MMS22L: variants seen among roughly 807,000 people sequenced by gnomAD.
MMS22L encodes protein MMS22-like.
MMS22L carries 74 observed loss-of-function variants against 159.1 expected under a neutral mutation model. The observed-to-expected ratio is 0.47, with a 90% confidence interval of 0.39 to 0.56. The LOEUF (loss-of-function observed/expected upper bound fraction) is 0.56. Ranked by LOEUF, MMS22L falls within the 20% of genes least tolerant of loss-of-function variation. The pLI is 0.00. For synonymous variants in MMS22L, 517 were observed against 506.9 expected (o/e 1.02, Z -0.27); for missense variants, 1,351 against 1,422.1 (o/e 0.95, Z 0.80).
Position 97,282,363 on chromosome 6 carries a change from C to T in MMS22L, c.115G>A (p.Gly39Arg). Residue 39 changes from glycine to arginine, a missense_variant, in exon 2 of 25, where the codon GGA (glycine) becomes AGA (arginine). Physicochemically the swap from Gly to Arg is moderately radical, Grantham distance 125. Transcript: ENST00000683635. ...FSCAVDNRGGGKHFSGESYLC... is the reference protein window; with the variant it reads ...FSCAVDNRGGRKHFSGESYLC... Reference sequence around the variant, plus strand: ...TAGGATTCTCCAGAAAAATGTTTTCCTCCTCCTCTGTTGTCAACAGCACAA... The same window carrying T: ...TAGGATTCTCCAGAAAAATGTTTTCTTCCTCCTCTGTTGTCAACAGCACAA... The T allele has an allele frequency of 6.2e-7, 1 of 1,614,104 alleles. No homozygotes were observed. The highest frequency in any genetic ancestry group is 1.6e-4 in the Middle Eastern group (1 of 6,062).
At chr6:97,244,193 C>G (rs148311292) in intron 11 of MMS22L, among the ~76,000 whole-genome samples, 2,763 of 152,214 alleles carry the variant, frequency 0.018, 82 homozygotes, top group African/African-American at 0.063. Flanking sequence ...AGTTGGTTGG[C>G]CTCCAGCCAG....
chr6:97,157,836 A>C (rs1186367110), intron 22 of MMS22L, among the ~76,000 whole-genome samples: 1 of 152,118 alleles, frequency 6.6e-6, no homozygotes, highest in Non-Finnish European at 1.5e-5. Flanking sequence ...GGCTTCATAA[A>C]ATGAATTAGG....
intron 3 of MMS22L, among the ~76,000 whole-genome samples, chr6:97,280,927 C>A (rs1380346065): frequency 6.6e-6 from 1 of 152,096 alleles, no homozygotes; most frequent in African/African-American, 2.4e-5. Flanking sequence ...CTCTAAAGAT[C>A]ACTGAAAGAC....
Position 97,224,130 on chromosome 6 carries a change from T to C in MMS22L, c.2039+4764A>G, listed in dbSNP as rs74685352. On this transcript the variant is annotated intron_variant, in intron 14 of 24. Transcript: ENST00000683635. ...TGCACAGGCTAATCCTGAAGGCCAATAGCACAACCCCCTATCACCTACTCA... is the reference window on the plus strand; with the variant it reads ...TGCACAGGCTAATCCTGAAGGCCAACAGCACAACCCCCTATCACCTACTCA... Among the ~76,000 whole-genome samples, 1,112 of 152,284 alleles carry C rather than the reference T, an allele frequency of 7.3e-3. 15 individuals are homozygous for C. Among genetic ancestry groups the C allele is most frequent in the African/African-American group, 0.025 (1,034 of 41,576 alleles).
intron 23 of MMS22L, 148 bp from the exon 24 acceptor site, chr6:97,150,168 T>A: frequency 1.7e-6 from 1 of 578,372 alleles, no homozygotes; most frequent in Non-Finnish European, 2.9e-6. Flanking sequence ...GAAAACTATT[T>A]AAAACACTTT....
chr6:97,214,630 T>C (rs1808768297), intron 14 of MMS22L, among the ~76,000 whole-genome samples: 1 of 151,112 alleles, frequency 6.6e-6, no homozygotes, highest in Non-Finnish European at 1.5e-5. Flanking sequence ...ATTACAGCTG[T>C]AGGAGTAAAA....
chr6:97,175,038 T>C (rs1451412661), intron 18 of MMS22L, among the ~76,000 whole-genome samples: 2 of 152,168 alleles, frequency 1.3e-5, no homozygotes, highest in African/African-American at 4.8e-5. Flanking sequence ...CTGTTCCCTT[T>C]TGCACACTTA....
At chr6:97,218,500 C>T (rs1809269978) in intron 14 of MMS22L, among the ~76,000 whole-genome samples, 1 of 152,168 alleles carries the variant, frequency 6.6e-6, no homozygotes, top group African/African-American at 2.4e-5. Flanking sequence ...GTGCATACTA[C>T]ATATGCTTCA....
intron 21 of MMS22L, among the ~76,000 whole-genome samples, chr6:97,164,421 A>G (rs1025661501): frequency 1.8e-4 from 27 of 151,920 alleles, no homozygotes; most frequent in African/African-American, 6.0e-4. Flanking sequence ...CATGAAGGCA[A>G]TGACAAAACA....
chr6:97,171,723 C>G (rs1320350937), intron 19 of MMS22L, among the ~76,000 whole-genome samples: 1 of 152,186 alleles, frequency 6.6e-6, no homozygotes, highest in Non-Finnish European at 1.5e-5. Flanking sequence ...CAGTTAGGAA[C>G]TGTCAAGGTA....
intron 4 of MMS22L, 24 bp from the exon 5 acceptor site, chr6:97,273,086 A>G: frequency 1.3e-6 from 2 of 1,566,868 alleles, no homozygotes; most frequent in Non-Finnish European, 1.7e-6. Context: ...AGACAATGTT[A>G]ATCATAGTTC....
At chr6:97,164,380 A>G (rs2128245558) in intron 21 of MMS22L, among the ~76,000 whole-genome samples, 1 of 151,932 alleles carries the variant, frequency 6.6e-6, no homozygotes, top group East Asian at 1.9e-4. Context: ...CTTAAAGTTT[A>G]AAAGCTAATT....
Position 97,186,527 on chromosome 6 carries a change from G to T in MMS22L, c.2203C>A (p.Pro735Thr), listed in dbSNP as rs762963274. Reference protein sequence around the residue: ...LKSQRMSQVVPFSQLADAAAD... With the variant: ...LKSQRMSQVVTFSQLADAAAD... ...GCTGCATCCGCAAGTTGTGAGAAAG[G>T]CACTACCTGTGACATTCTCTGACTC... is the stretch of plus-strand genomic sequence containing the variant. Residue 735 changes from proline to threonine, a missense_variant, in exon 15 of 25, where the codon CCT becomes ACT. Physicochemically the swap from Pro to Thr is conservative, Grantham distance 38 (BLOSUM62 -1). Coordinates refer to ENST00000683635, the MANE Select transcript of MMS22L (RefSeq NM_001350599.2). 1.9e-6 allele frequency: 3 copies of T among 1,612,644 alleles called. No homozygotes were observed. Among genetic ancestry groups the T allele is most frequent in the Non-Finnish European group, 2.5e-6 (3 of 1,179,422 alleles).
intron 14 of MMS22L, among the ~76,000 whole-genome samples, chr6:97,193,627 A>T (rs990169751): frequency 7.2e-5 from 11 of 152,228 alleles, no homozygotes; most frequent in African/African-American, 2.7e-4. Flanking sequence ...ATCTTTCTAC[A>T]AATTTACTAA....
chr6:97,258,331 G>A (rs564881031), intron 9 of MMS22L, among the ~76,000 whole-genome samples: 1 of 152,144 alleles, frequency 6.6e-6, no homozygotes, highest in East Asian at 1.9e-4. Context: ...GATGTTTCAG[G>A]CTCATGTTTA....
chr6:97,161,580 A>AC (rs771247499), intron 22 of MMS22L, among the ~76,000 whole-genome samples: 31 of 151,910 alleles, frequency 2.0e-4, no homozygotes, highest in Non-Finnish European at 3.5e-4. Flanking sequence ...GAATCAAAGG[A>AC]CCCCTACCGG....
intron 11 of MMS22L, among the ~76,000 whole-genome samples, chr6:97,235,873 A>G (rs1307920186): frequency 1.3e-5 from 2 of 152,184 alleles, no homozygotes; most frequent in African/African-American, 2.4e-5. Context: ...AACATAAAAG[A>G]AGAATAGTCT....
At chr6:97,202,427 A>T (rs1355893001) in intron 14 of MMS22L, among the ~76,000 whole-genome samples, 1 of 152,210 alleles carries the variant, frequency 6.6e-6, no homozygotes, top group Admixed American at 6.5e-5. Flanking sequence ...TCGCTGCAAC[A>T]CAACTTTTAA....
rs565649913 is a variant in MMS22L at position 97,145,952 on chromosome 6, T to C, written c.*854A>G. ...AAGGAAACTAAACAGGTTTCTTGGA[T>C]AAAATGCTAAGTTATAAGAAGCTCT... On this transcript the variant is annotated 3_prime_UTR_variant, in exon 25 of 25. Transcript: ENST00000683635. The C allele has an allele frequency of 1.3e-5, 2 of 152,184 alleles. No individual in the cohort carries two copies. The highest frequency in any genetic ancestry group is 2.9e-5 in the Non-Finnish European group (2 of 68,000). 9.4% of individuals were successfully genotyped at this position (152,184 alleles called of 1,614,324 possible). A position where few individuals can be genotyped will look rare whatever the true frequency, so the allele number is the denominator to read the frequency against.
Sources: gnomAD v4.1 joint callset for allele counts (sites outside exome capture counted in the v4.1 genomes callset) on GRCh38, gnomAD v4.1.1 for gene constraint, MANE v1.5 for transcripts, NCBI Gene and HGNC (gene_info 2026-07-23, HGNC 2026-07-21) for gene names.